ZFYVE9: variants seen among roughly 807,000 people sequenced by gnomAD.
ZFYVE9 encodes zinc finger FYVE-type containing 9, also known as zinc finger FYVE domain-containing protein 9.
In ZFYVE9, 43 loss-of-function variants were observed where a neutral mutation model predicts 126.7. That is an observed-to-expected ratio of 0.34 (90% CI 0.27 to 0.44). The LOEUF is 0.44. ZFYVE9 is among the 20% of genes least tolerant of loss of function. ZFYVE9 has a pLI of 1.00. For missense variants in ZFYVE9, 1,476 were observed against 1,697.0 expected (o/e 0.87, Z 2.29); for synonymous variants, 521 against 597.4 (o/e 0.87, Z 1.87).
At chr1:52,335,448 G>T (rs74080938) in intron 15 of ZFYVE9, among the ~76,000 whole-genome samples, 1 of 152,138 alleles carries the variant, frequency 6.6e-6, no homozygotes, top group Non-Finnish European at 1.5e-5. Context: ...TCACACACAC[G>T]TCTGAGGCCT....
chr1:52,157,719 C>T (rs1572061679), intron 1 of ZFYVE9, among the ~76,000 whole-genome samples: 1 of 152,060 alleles, frequency 6.6e-6, no homozygotes, highest in South Asian at 2.1e-4. Context: ...ACCATATTCT[C>T]TTAACTATCT....
intron 5 of ZFYVE9, among the ~76,000 whole-genome samples, chr1:52,266,405 T>TTAAAAAAAAAA (rs1181730554): frequency 1.2e-5 from 1 of 85,640 alleles, no homozygotes; most frequent in African/African-American, 4.8e-5. Flanking sequence ...TCTAATTCTT[T>TTAAAAAAAAAA]AAAAAAAAAA....
chr1:52,160,758 A>G (rs1339263675), intron 1 of ZFYVE9, among the ~76,000 whole-genome samples: 4 of 152,158 alleles, frequency 2.6e-5, no homozygotes, highest in Admixed American at 2.0e-4. Flanking sequence ...ATGAATAAAA[A>G]CCTTTTAGAC....
chr1:52,315,479 T>C (rs955746339), intron 13 of ZFYVE9, among the ~76,000 whole-genome samples: 2 of 152,092 alleles, frequency 1.3e-5, no homozygotes, highest in Non-Finnish European at 2.9e-5. Context: ...ATTTATACCA[T>C]ATGTAGAGAC....
intron 13 of ZFYVE9, among the ~76,000 whole-genome samples, chr1:52,308,369 TAG>T (rs527935666): frequency 4.6e-5 from 7 of 152,024 alleles, no homozygotes; most frequent in Non-Finnish European, 8.8e-5. Flanking sequence ...TTTTGTTTTG[TAG>T]AGAGAGGATT....
intron 3 of ZFYVE9, among the ~76,000 whole-genome samples, chr1:52,236,823 AT>A (rs777278260): frequency 7.6e-4 from 115 of 152,304 alleles, no homozygotes; most frequent in Non-Finnish European, 1.5e-3. Flanking sequence ...AATTTAAAAT[AT>A]TTTTAAGTAA....
intron 2 of ZFYVE9, among the ~76,000 whole-genome samples, chr1:52,219,770 TG>T: frequency 6.8e-6 from 1 of 148,018 alleles, no homozygotes; most frequent in South Asian, 2.2e-4. Context: ...TGTGTGTGTG[TG>T]TGTGTGTGTG....
intron 1 of ZFYVE9, among the ~76,000 whole-genome samples, chr1:52,181,337 G>A (rs1445685078): frequency 6.6e-6 from 1 of 152,240 alleles, no homozygotes; most frequent in Non-Finnish European, 1.5e-5. Context: ...CGCCAGCCTC[G>A]GCCTCCCGAG....
At chr1:52,176,888 C>T (rs984823605) in intron 1 of ZFYVE9, among the ~76,000 whole-genome samples, 18 of 152,140 alleles carry the variant, frequency 1.2e-4, no homozygotes, top group South Asian at 2.1e-4. Context: ...TTCCAGGTGC[C>T]GTCTGTCACC....
chr1:52,226,413 G>A (rs554821432), intron 2 of ZFYVE9, among the ~76,000 whole-genome samples: 1 of 152,152 alleles, frequency 6.6e-6, no homozygotes, highest in Non-Finnish European at 1.5e-5. Flanking sequence ...GCACAAGCCT[G>A]TAATCCCAGC....
chr1:52,242,651 T>C (rs1645346278), intron 4 of ZFYVE9, among the ~76,000 whole-genome samples: 1 of 152,194 alleles, frequency 6.6e-6, no homozygotes, highest in Admixed American at 6.5e-5. Context: ...ATGTGTATTG[T>C]TCCTACTTAA....
chr1:52,307,281 G>A (rs1646094252), intron 13 of ZFYVE9, among the ~76,000 whole-genome samples: 1 of 152,076 alleles, frequency 6.6e-6, no homozygotes, highest in Non-Finnish European at 1.5e-5. Context: ...TGTCACCCAG[G>A]CTGGAGTGCA....
chr1:52,332,964 T>TATA (rs764635435), intron 14 of ZFYVE9, 46 bp downstream of exon 14: 3 of 1,611,316 alleles, frequency 1.9e-6, no homozygotes, highest in Non-Finnish European at 2.5e-6. Flanking sequence ...AAAATTATAC[T>TATA]GGACTTGGAC....
chr1:52,202,291 T>C (rs968217648), intron 1 of ZFYVE9, among the ~76,000 whole-genome samples: 3 of 152,028 alleles, frequency 2.0e-5, no homozygotes, highest in Admixed American at 6.6e-5. Context: ...TTTTGTTTTG[T>C]TTTTTTAAGA....
At chr1:52,182,048 A>G (rs1222425950) in intron 1 of ZFYVE9, among the ~76,000 whole-genome samples, 7 of 145,668 alleles carry the variant, frequency 4.8e-5, no homozygotes, top group African/African-American at 1.8e-4. Flanking sequence ...GAGGGAGGCG[A>G]GGGGGTCAGC....
intron 10 of ZFYVE9, among the ~76,000 whole-genome samples, chr1:52,292,375 A>G (rs1198445178): frequency 2.0e-5 from 3 of 150,896 alleles, no homozygotes; most frequent in Non-Finnish European, 4.4e-5. Context: ...TTATAACTGT[A>G]CTTATTACCA....
intron 1 of ZFYVE9, among the ~76,000 whole-genome samples, chr1:52,182,160 A>G (rs1357036567): frequency 6.8e-6 from 1 of 146,880 alleles, no homozygotes; most frequent in Non-Finnish European, 1.5e-5. Context: ...CAGCTGCCCC[A>G]TCGGGGAGGT....
intron 1 of ZFYVE9, among the ~76,000 whole-genome samples, chr1:52,196,087 C>T (rs543806941): frequency 4.6e-5 from 7 of 152,044 alleles, no homozygotes; most frequent in East Asian, 1.9e-4. Context: ...CCACCGTGCC[C>T]GGCCAGTATA....
rs1353526326 is a variant in ZFYVE9 at position 52,220,628 on chromosome 1, G to T, written c.-37+4154G>T. ...ACTCTATACACCCATAGACTCTGAG[G>T]GCTACATTGCACATAGCTTGAGGAC... On this transcript the variant is annotated intron_variant, in intron 2 of 18. Transcript: ENST00000287727. 2.6e-5 allele frequency among the ~76,000 whole-genome samples: 4 copies of T among 152,046 alleles called. No homozygotes were observed. The East Asian group carries it at 7.7e-4, about 29-fold the overall frequency.
Sources: gnomAD v4.1 joint callset for allele counts (sites outside exome capture counted in the v4.1 genomes callset) on GRCh38, gnomAD v4.1.1 for gene constraint, MANE v1.5 for transcripts, NCBI Gene and HGNC (gene_info 2026-07-23, HGNC 2026-07-21) for gene names.